NEK5: variants seen among roughly 807,000 people sequenced by gnomAD.
The protein encoded by NEK5 is NIMA related kinase 5.
NEK5 carries 88 observed loss-of-function variants against 109.2 expected under a neutral mutation model. The observed-to-expected ratio is 0.81, with a 90% CI of 0.68 to 0.96. The LOEUF (loss-of-function observed/expected upper bound fraction) is 0.96. Among genes scored for constraint, NEK5 ranks in the 40% least tolerant of loss-of-function variants. The pLI is 0.00. For missense variants in NEK5, 834 were observed against 920.7 expected (o/e 0.91, Z 1.22); for synonymous variants, 283 against 299.9 (o/e 0.94, Z 0.58).
chr13:52,097,397 A>T (rs1209163691), intron 12 of NEK5, among the ~76,000 whole-genome samples: 1 of 152,240 alleles, frequency 6.6e-6, no homozygotes, highest in Middle Eastern at 3.2e-3. Flanking sequence ...CAGGGGCTGT[A>T]GCCTGCAAAG....
In NEK5 at chr13:52,075,832, A is replaced by C. The variant is rs1013194375; in HGVS notation, c.1654-6T>G. The C allele has an allele frequency of 1.4e-6, 2 of 1,465,088 alleles. No individual in the cohort carries two copies. The highest frequency in any genetic ancestry group is 2.9e-5 in the African/African-American group (2 of 70,068). 90.8% of individuals were successfully genotyped at this position (1,465,088 alleles called of 1,614,324 possible). A position where few individuals can be genotyped will look rare whatever the true frequency, so the allele number is the denominator to read the frequency against. On this transcript the variant is annotated splice_polypyrimidine_tract_variant and splice_region_variant and intron_variant, in intron 18 of 23. Coordinates refer to ENST00000684899, the MANE Select transcript of NEK5 (RefSeq NM_001365552.1). Reference sequence around the variant, plus strand: ...ATTTCAAATTTTACCCCCTTCTAGGAGAAAGCAAAAAAAAAAAAAAAGTTT... The same window carrying C: ...ATTTCAAATTTTACCCCCTTCTAGGCGAAAGCAAAAAAAAAAAAAAAGTTT...
chr13:52,047,208 G>A lies in NEK5; in HGVS notation c.2228+2896C>T, dbSNP rs182848145. Among the ~76,000 whole-genome samples the A allele has an allele frequency of 3.3e-4, 50 of 151,802 alleles. No individual in the cohort carries two copies. In the East Asian group the frequency reaches 8.5e-3, roughly 26 times the overall value. ...CAATTTACAAGTGTACATGCTCTTT[G>A]ACCCAATACTTTTTGTTCTGGAAAT... On this transcript the variant is annotated intron_variant, in intron 23 of 23. Coordinates refer to ENST00000684899, the MANE Select transcript of NEK5 (RefSeq NM_001365552.1).
chr13:52,085,708 T>A (rs1955128470), intron 16 of NEK5, among the ~76,000 whole-genome samples: 1 of 152,242 alleles, frequency 6.6e-6, no homozygotes, highest in Non-Finnish European at 1.5e-5. Flanking sequence ...CTATTTCATG[T>A]GAAGCTCTTC....
rs1453105275 is a variant in NEK5 at position 52,036,487 on chromosome 13, GAC to G, written c.*459_*460del. On this transcript the variant is annotated 3_prime_UTR_variant, in exon 24 of 24. Coordinates refer to ENST00000684899, the MANE Select transcript of NEK5 (RefSeq NM_001365552.1). ...CTTTTTTTTTTTTTTCTTTTTTTGAGACAGAGTTTCGCTCTTGTTGCCCAGGC... is the reference window on the plus strand; with the variant it reads ...CTTTTTTTTTTTTTTCTTTTTTTGAGAGAGTTTCGCTCTTGTTGCCCAGGC... 1 of 149,470 alleles carries G rather than the reference GAC, an allele frequency of 6.7e-6. No individual in the cohort carries two copies. The highest frequency in any genetic ancestry group is 6.7e-5 in the Admixed American group (1 of 14,926). 9.3% of individuals were successfully genotyped at this position (149,470 alleles called of 1,614,324 possible). A position where few individuals can be genotyped will look rare whatever the true frequency, so the allele number is the denominator to read the frequency against.
chr13:52,083,440 G>A, intron 16 of NEK5, 88 bp from the exon 17 acceptor site: 2 of 779,344 alleles, frequency 2.6e-6, no homozygotes, highest in Middle Eastern at 2.3e-4. Context: ...ATGATGAAAT[G>A]GCTGGACAGA....
At chr13:52,096,714 G>C (rs1955424799) in intron 12 of NEK5, among the ~76,000 whole-genome samples, 2 of 152,212 alleles carry the variant, frequency 1.3e-5, no homozygotes, top group Non-Finnish European at 1.5e-5. Flanking sequence ...GAGTGTAAAA[G>C]TTAGGAAAGT....
chr13:52,114,508 C>T (rs539887347), intron 4 of NEK5, among the ~76,000 whole-genome samples: 1 of 152,188 alleles, frequency 6.6e-6, no homozygotes, highest in African/African-American at 2.4e-5. Flanking sequence ...CTTTAAGAGA[C>T]GATCCATTCA....
intron 14 of NEK5, among the ~76,000 whole-genome samples, chr13:52,088,090 G>A (rs935468133): frequency 6.6e-6 from 1 of 151,550 alleles, no homozygotes; most frequent in Non-Finnish European, 1.5e-5. Flanking sequence ...ACAACACCTG[G>A]GTAATTTTTG....
chr13:52,037,227 A>G lies in NEK5; in HGVS notation c.2229-9T>C, dbSNP rs1453714611. ...CAGATTCTTCAAAATTTCTGAAATA[A>G]TAAGCAGTAAAAATCAGCATTATGA... On this transcript the variant is annotated splice_polypyrimidine_tract_variant and intron_variant, in intron 23 of 23. Coordinates refer to ENST00000684899, the MANE Select transcript of NEK5 (RefSeq NM_001365552.1). The G allele has an allele frequency of 2.0e-6, 2 of 977,632 alleles. No homozygotes were observed. Among genetic ancestry groups the G allele is most frequent in the Non-Finnish European group, 2.4e-6 (2 of 822,904 alleles). The allele number at this position is 977,632 out of a possible 1,614,324, so 60.6% of individuals were successfully genotyped here. A position where few individuals can be genotyped will look rare whatever the true frequency, so the allele number is the denominator to read the frequency against.
chr13:52,117,938 C>T (rs553960418), intron 4 of NEK5, among the ~76,000 whole-genome samples: 1 of 152,270 alleles, frequency 6.6e-6, no homozygotes, highest in East Asian at 1.9e-4. Context: ...ATCCAATGGA[C>T]AGGAATGCAG....
chr13:52,102,624 T>C (rs1003205406), intron 9 of NEK5, among the ~76,000 whole-genome samples: 15 of 152,072 alleles, frequency 9.9e-5, no homozygotes, highest in Non-Finnish European at 1.8e-4. Context: ...GCCCAGGCGG[T>C]CAAAGCTGCA....
chr13:52,102,260 C>T lies in NEK5; in HGVS notation c.642G>A (p.Leu214=), dbSNP rs1377499395. The change falls in exon 10 of 24, where the codon CTG becomes CTA. Residue 214 remains leucine (L), a synonymous_variant. Coordinates refer to ENST00000684899, the MANE Select transcript of NEK5 (RefSeq NM_001365552.1). ...FEGNNLQQLV[L]KICQAHFAPI... is the part of the protein sequence containing the mutation. ...GGGCAAAATGTGCTTGACAAATCTT[C>T]AGAACCAGCTGCTGTAAGTTGTTAC... 6.2e-7 allele frequency: 1 copy of T among 1,614,144 alleles called. No individual in the cohort carries two copies. The highest frequency in any genetic ancestry group is 2.2e-5 in the East Asian group (1 of 44,890).
intron 12 of NEK5, among the ~76,000 whole-genome samples, chr13:52,096,579 C>CT (rs1405602400): frequency 6.6e-6 from 1 of 152,152 alleles, no homozygotes; most frequent in Non-Finnish European, 1.5e-5. Flanking sequence ...TTTAGGGCGT[C>CT]TGACAGAAAA....
At chr13:52,106,637 C>T (rs986412427) in intron 8 of NEK5, among the ~76,000 whole-genome samples, 1 of 151,732 alleles carries the variant, frequency 6.6e-6, no homozygotes, top group African/African-American at 2.4e-5. Flanking sequence ...CATGGTGGGG[C>T]GTGCTTGCAG....
rs138342075 is a variant in NEK5, at chr13:52,072,017, C to A, written c.1776G>T (p.Lys592Asn). 936 of 1,611,008 alleles carry A rather than the reference C, an allele frequency of 5.8e-4. 8 individuals are homozygous for A. In the African/African-American group the frequency reaches 0.01, roughly 18 times the overall value. Residue 592 changes from lysine to asparagine, a missense_variant, in exon 20 of 24, where the codon AAG becomes AAT. By Grantham distance (94) the Lys-to-Asn change is moderately conservative. Around this residue, in one of 2 missense-constraint regions of NEK5, gnomAD observed 777 missense variants for 824.7 expected, o/e 0.94. Coordinates refer to ENST00000684899, the MANE Select transcript of NEK5 (RefSeq NM_001365552.1). Reference sequence around the variant, plus strand: ...CATGCTCCTTTACACATTCATATTCCTTAAACTTCATGCCATCCTCAAAGG... The same window carrying A: ...CATGCTCCTTTACACATTCATATTCATTAAACTTCATGCCATCCTCAAAGG... Reference protein sequence around the residue: ...TLTFEDGMKFKEYECVKEHGD... With the variant: ...TLTFEDGMKFNEYECVKEHGD...
chr13:52,074,437 G>T (rs911988649), intron 19 of NEK5, among the ~76,000 whole-genome samples: 9 of 152,100 alleles, frequency 5.9e-5, no homozygotes, highest in African/African-American at 1.9e-4. Flanking sequence ...ACATGCAGAA[G>T]AATGAAACTG....
intron 3 of NEK5, among the ~76,000 whole-genome samples, chr13:52,121,692 CA>C (rs1196479892): frequency 6.6e-6 from 1 of 152,068 alleles, no homozygotes; most frequent in Non-Finnish European, 1.5e-5. Flanking sequence ...CTCTTAATGG[CA>C]AAAATGCAAT....
intron 3 of NEK5, among the ~76,000 whole-genome samples, chr13:52,125,715 CAGAAAA>C (rs1286223420): frequency 2.0e-5 from 3 of 151,944 alleles, no homozygotes; most frequent in South Asian, 2.1e-4. Flanking sequence ...TGACAATGGA[CAGAAAA>C]AGAAAATCAG....
At chr13:52,084,107 T>C (rs1009040282) in intron 16 of NEK5, among the ~76,000 whole-genome samples, 6 of 152,260 alleles carry the variant, frequency 3.9e-5, no homozygotes, top group African/African-American at 1.4e-4. Context: ...TACCTGCTCA[T>C]TCTGCTCATC....
Sources: gnomAD v4.1 joint callset for allele counts (sites outside exome capture counted in the v4.1 genomes callset) on GRCh38, gnomAD v4.1.1 for gene constraint, gnomAD v4.1.1 regional missense constraint, MANE v1.5 for transcripts, NCBI Gene and HGNC (gene_info 2026-07-23, HGNC 2026-07-21) for gene names.